Variants in SBF2 observed in about 807,000 individuals in gnomAD.
SBF2 encodes the protein myotubularin-related protein 13.
SBF2 carries 112 observed loss-of-function variants against 225.2 expected under a neutral mutation model. The observed-to-expected ratio is 0.50, with a 90% CI of 0.43 to 0.58. The LOEUF (loss-of-function observed/expected upper bound fraction) is 0.58, where lower values mean the gene tolerates loss of function less well. Among genes scored for constraint, SBF2 ranks in the 20% least tolerant of loss-of-function variants. The pLI is 0.00. For synonymous variants in SBF2, 763 were observed against 773.3 expected (o/e 0.99, Z 0.22); for missense variants, 1,996 against 2,206.2 (o/e 0.90, Z 1.91).
At chr11:10,118,813 T>A (rs987148372) in intron 2 of SBF2, among the ~76,000 whole-genome samples, 1 of 151,840 alleles carries the variant, frequency 6.6e-6, no homozygotes, top group Admixed American at 6.6e-5. Flanking sequence ...CATTTTTAAA[T>A]GGTATACACC....
At chr11:10,296,274 A>C (rs1485314890), upstream of SBF2, among the ~76,000 whole-genome samples, 1 of 152,148 alleles carries the variant, frequency 6.6e-6, no homozygotes. Context: ...ATAATATTCC[A>C]TTGTATATTG....
chr11:9,779,885 C>T lies in SBF2; in HGVS notation c.*533G>A, dbSNP rs562239706. 3.1e-5 allele frequency: 6 copies of T among 192,466 alleles called. No individual in the cohort carries two copies. The highest frequency in any genetic ancestry group is 6.6e-5 in the Non-Finnish European group (6 of 90,300). 11.9% of individuals were successfully genotyped at this position (192,466 alleles called of 1,614,324 possible). ...CGTCTCTTGTTGTGAACCCCACTGG[C>T]AGAGCACGGACCATGGAAGCATCTT... On this transcript the variant is annotated 3_prime_UTR_variant, in exon 40 of 40. Coordinates refer to ENST00000256190, the MANE Select transcript of SBF2 (RefSeq NM_030962.4).
chr11:10,210,499 C>G (rs1222856676), intron 1 of SBF2, among the ~76,000 whole-genome samples: 1 of 152,134 alleles, frequency 6.6e-6, no homozygotes, highest in Non-Finnish European at 1.5e-5. Flanking sequence ...AAGGGAGTCT[C>G]TTAGTCTCTT....
chr11:10,293,987 C>CG (rs1027282906), intron 1 of SBF2, 28 bp downstream of exon 1: 5 of 1,321,736 alleles, frequency 3.8e-6, no homozygotes, highest in South Asian at 2.1e-5. Context: ...CGGGGAGGCC[C>CG]GGGGGCGGTG....
chr11:10,258,594 A>C (rs1446325600), intron 1 of SBF2, among the ~76,000 whole-genome samples: 2 of 152,230 alleles, frequency 1.3e-5, no homozygotes, highest in African/African-American at 4.8e-5. Flanking sequence ...AAACTAGGAC[A>C]GTTACTAATC....
chr11:10,008,442 T>A (rs1014282034), intron 6 of SBF2, among the ~76,000 whole-genome samples: 3 of 152,202 alleles, frequency 2.0e-5, no homozygotes, highest in African/African-American at 7.2e-5. Context: ...CTCAAAACAG[T>A]TGCCTTGGTC....
intron 33 of SBF2, among the ~76,000 whole-genome samples, chr11:9,795,404 C>T (rs1853061917): frequency 6.6e-6 from 1 of 152,074 alleles, no homozygotes; most frequent in Non-Finnish European, 1.5e-5. Context: ...GTACTTAACC[C>T]CTCCCCAAAA....
At chr11:10,125,724 G>A (rs537798011) in intron 2 of SBF2, among the ~76,000 whole-genome samples, 1 of 152,264 alleles carries the variant, frequency 6.6e-6, no homozygotes, top group East Asian at 1.9e-4. Flanking sequence ...TTTCCCCAGT[G>A]TTTCCACTAA....
At chr11:10,020,907 A>G (rs989349997) in intron 6 of SBF2, among the ~76,000 whole-genome samples, 1 of 143,272 alleles carries the variant, frequency 7.0e-6, no homozygotes, top group African/African-American at 2.5e-5. Context: ...AACTTTTTTA[A>G]GAACTTTAAA....
rs1029302525 is a variant in SBF2 at position 10,147,953 on chromosome 11, A to G, written c.141+45949T>C. Among the ~76,000 whole-genome samples, 6 of 152,336 alleles carry G rather than the reference A, an allele frequency of 3.9e-5. No individual in the cohort carries two copies. In the South Asian group the frequency reaches 1.0e-3, roughly 26 times the overall value. On this transcript the variant is annotated intron_variant, in intron 2 of 39. Coordinates refer to ENST00000256190, the MANE Select transcript of SBF2 (RefSeq NM_030962.4). ...AGATTCCTAAATCTCTAAAACAGGA[A>G]TAACATTCACTTCTGATAAGTAACT...
At position 10,031,116 on chromosome 11, in the gene SBF2, G is replaced by C; in HGVS notation, c.334C>G (p.Pro112Ala). The part of the protein sequence containing the change: ...GEAKVSGLIQ[P>A]AEVFAPKSLV... The stretch of plus-strand genomic sequence containing the variant: ...CTTTTGGGAGCAAACACTTCTGCAG[G>C]CTGAATTAAACCAGACACTTTTGCT... Residue 112 changes from proline to alanine, a missense_variant, in exon 4 of 40, where the codon CCT (proline) becomes GCT (alanine). Transcript: ENST00000256190. 2 of 1,613,406 alleles carry C rather than the reference G, an allele frequency of 1.2e-6. No homozygotes were observed. The highest frequency in any genetic ancestry group is 1.7e-6 in the Non-Finnish European group (2 of 1,179,568).
At chr11:9,797,765 T>TTA (rs1283513213) in intron 32 of SBF2, among the ~76,000 whole-genome samples, 3 of 152,192 alleles carry the variant, frequency 2.0e-5, no homozygotes, top group African/African-American at 7.2e-5. Flanking sequence ...GGCCAGGAGT[T>TTA]TGAGACCAAC....
chr11:10,269,725 C>T (rs1053964184), intron 1 of SBF2, among the ~76,000 whole-genome samples: 13 of 152,126 alleles, frequency 8.5e-5, no homozygotes, highest in Admixed American at 5.9e-4. Flanking sequence ...GGAGGCAAAA[C>T]CAAGAATCAA....
At chr11:10,286,166 G>GCACA (rs57445416) in intron 1 of SBF2, among the ~76,000 whole-genome samples, 2,186 of 147,316 alleles carry the variant, frequency 0.015, 36 homozygotes, top group African/African-American at 0.04. Context: ...ACACGCACAC[G>GCACA]CACACACACA....
At chr11:10,144,771 G>A (rs1017527127) in intron 2 of SBF2, among the ~76,000 whole-genome samples, 2 of 152,192 alleles carry the variant, frequency 1.3e-5, no homozygotes, top group Admixed American at 1.3e-4. Flanking sequence ...AAGGGAAGAA[G>A]TTTAGACCTA....
intron 13 of SBF2, among the ~76,000 whole-genome samples, chr11:9,970,811 T>C (rs1332761274): frequency 6.6e-6 from 1 of 152,224 alleles, no homozygotes; most frequent in Non-Finnish European, 1.5e-5. Context: ...ATACATGCTC[T>C]GTATTTCCCC....
intron 2 of SBF2, among the ~76,000 whole-genome samples, chr11:10,190,098 C>T (rs1957102938): frequency 6.6e-6 from 1 of 151,174 alleles, no homozygotes; most frequent in South Asian, 2.1e-4. Context: ...CTGCAGTGAG[C>T]CAAGATTGCG....
At chr11:10,162,590 A>G (rs1358027755) in intron 2 of SBF2, among the ~76,000 whole-genome samples, 1 of 152,214 alleles carries the variant, frequency 6.6e-6, no homozygotes, top group African/African-American at 2.4e-5. Flanking sequence ...GCACTCTTTT[A>G]AAAATTTTTA....
chr11:10,248,016 G>A (rs1959978191), intron 1 of SBF2, among the ~76,000 whole-genome samples: 1 of 152,100 alleles, frequency 6.6e-6, no homozygotes, highest in Non-Finnish European at 1.5e-5. Context: ...AATTATGCAG[G>A]TCAGATATTA....
Sources: gnomAD v4.1 joint callset for allele counts (sites outside exome capture counted in the v4.1 genomes callset) on GRCh38, gnomAD v4.1.1 for gene constraint, MANE v1.5 for transcripts, NCBI Gene and HGNC (gene_info 2026-07-23, HGNC 2026-07-21) for gene names.